The following RALGPS1 variants were observed in gnomAD, a reference collection of about 807,000 sequenced individuals.
RALGPS1 encodes the protein ras-specific guanine nucleotide-releasing factor RalGPS1.
A neutral mutation model predicts 78.8 loss-of-function variants in RALGPS1; 19 were observed. The ratio of observed to expected loss-of-function variants is 0.24; its 90% CI spans 0.17 to 0.35. RALGPS1 has a LOEUF of 0.35. Among genes scored for constraint, RALGPS1 ranks in the 10% least tolerant of loss-of-function variants. The pLI, the probability that RALGPS1 is intolerant of heterozygous loss-of-function variation, is 1.00. For synonymous variants in RALGPS1, 228 were observed against 256.3 expected (o/e 0.89, Z 1.06); for missense variants, 454 against 688.3 (o/e 0.66, Z 3.81).
At chr9:127,215,282 G>A (rs1402228447) in intron 18 of RALGPS1, among the ~76,000 whole-genome samples, 1 of 152,164 alleles carries the variant, frequency 6.6e-6, no homozygotes, top group South Asian at 2.1e-4. Context: ...CATGGACCAC[G>A]CAAAGCTGCT....
At chr9:126,969,299 G>C (rs1284892449) in intron 3 of RALGPS1, among the ~76,000 whole-genome samples, 5 of 152,148 alleles carry the variant, frequency 3.3e-5, no homozygotes, top group African/African-American at 1.2e-4. Context: ...CTATTCACAG[G>C]TGCAATTACA....
intron 4 of RALGPS1, among the ~76,000 whole-genome samples, chr9:127,004,702 A>G (rs1344211757): frequency 3.3e-5 from 5 of 152,208 alleles, no homozygotes; most frequent in Non-Finnish European, 5.9e-5. Flanking sequence ...GAAAATGTCA[A>G]TGAAAAAATA....
chr9:127,114,336 G>T (rs1422479676), intron 8 of RALGPS1, among the ~76,000 whole-genome samples: 1 of 152,170 alleles, frequency 6.6e-6, no homozygotes, highest in Non-Finnish European at 1.5e-5. Flanking sequence ...TTTGAGGATC[G>T]TGAGTCATTT....
At chr9:127,141,163 A>G (rs2057748227) in intron 8 of RALGPS1, among the ~76,000 whole-genome samples, 1 of 152,100 alleles carries the variant, frequency 6.6e-6, no homozygotes, top group East Asian at 1.9e-4. Context: ...ACTCCTTCTG[A>G]GACCGATGCA....
chr9:127,086,427 G>GT lies in RALGPS1; in HGVS notation c.610+17072dup, dbSNP rs144430563. On this transcript the variant is annotated intron_variant, in intron 8 of 18. Transcript: ENST00000259351. ...TCTCTGCCAATCTGACAGGCCACAC[G>GT]TCATGGTTTATCCTTCACTTATAGC... Among the ~76,000 whole-genome samples the GT allele has an allele frequency of 5.4e-3, 816 of 152,168 alleles. 24 individuals are homozygous for GT. The East Asian group carries it at 0.085, about 16-fold the overall frequency.
chr9:127,041,031 T>TTTTGTGTGTGTGTGTGTGTGTG (rs1554802019), intron 5 of RALGPS1, among the ~76,000 whole-genome samples: 1 of 135,718 alleles, frequency 7.4e-6, no homozygotes, highest in East Asian at 2.2e-4. Flanking sequence ...CTACAAACAT[T>TTTTGTGTGTGTGTGTGTGTGTG]TGTGTGTGTG....
chr9:127,105,285 T>A (rs2054112429), intron 8 of RALGPS1, among the ~76,000 whole-genome samples: 1 of 152,176 alleles, frequency 6.6e-6, no homozygotes, highest in African/African-American at 2.4e-5. Context: ...TTCCCTCCCA[T>A]GACGGCGTGC....
At chr9:127,106,634 G>A (rs914733686) in intron 8 of RALGPS1, among the ~76,000 whole-genome samples, 15 of 152,256 alleles carry the variant, frequency 9.9e-5, no homozygotes, top group East Asian at 7.7e-4. Context: ...ACTCCAAAGC[G>A]CCTGCTCTCA....
At chr9:126,995,201 G>A (rs2042625200) in intron 4 of RALGPS1, among the ~76,000 whole-genome samples, 1 of 152,146 alleles carries the variant, frequency 6.6e-6, no homozygotes, top group African/African-American at 2.4e-5. Flanking sequence ...AAGTGTAAAT[G>A]GGCTAAATGC....
At chr9:127,001,856 C>T (rs2043340001) in intron 4 of RALGPS1, among the ~76,000 whole-genome samples, 1 of 152,014 alleles carries the variant, frequency 6.6e-6, no homozygotes, top group African/African-American at 2.4e-5. Flanking sequence ...TGCGCTCCAG[C>T]CTTGGCAACA....
In RALGPS1 at chr9:126,962,215, T is replaced by C. The variant is rs768183505; in HGVS notation, c.-65-10T>C. The C allele has an allele frequency of 6.7e-7, 1 of 1,484,902 alleles. No individual in the cohort carries two copies. The highest frequency in any genetic ancestry group is 9.4e-7 in the Non-Finnish European group (1 of 1,069,046). 92.0% of individuals were successfully genotyped at this position (1,484,902 alleles called of 1,614,324 possible). On this transcript the variant is annotated splice_polypyrimidine_tract_variant and intron_variant, in intron 1 of 18. Transcript: ENST00000259351. Reference sequence around the variant, plus strand: ...GAAGACTGATTTTTATGAGCCCCTTTGCCTTGCAGGACTTCTCCAGACAGG... The same window carrying C: ...GAAGACTGATTTTTATGAGCCCCTTCGCCTTGCAGGACTTCTCCAGACAGG...
chr9:127,144,266 C>T (rs894000929), intron 8 of RALGPS1, among the ~76,000 whole-genome samples: 5 of 152,196 alleles, frequency 3.3e-5, no homozygotes, highest in Admixed American at 3.3e-4. Flanking sequence ...CTCCTGGACC[C>T]GTAGTACCCC....
intron 1 of RALGPS1, among the ~76,000 whole-genome samples, chr9:126,922,574 G>T (rs1444191835): frequency 6.6e-6 from 1 of 152,214 alleles, no homozygotes; most frequent in African/African-American, 2.4e-5. Flanking sequence ...GAGAGGATTA[G>T]TCCTCTGTGC....
intron 7 of RALGPS1, among the ~76,000 whole-genome samples, chr9:127,054,388 T>C (rs750800429): frequency 1.3e-5 from 2 of 152,214 alleles, no homozygotes; most frequent in African/African-American, 2.4e-5. Context: ...TAGACTTTAC[T>C]GTCAGTAATA....
intron 8 of RALGPS1, among the ~76,000 whole-genome samples, chr9:127,161,935 C>T (rs941909130): frequency 6.6e-6 from 1 of 152,184 alleles, no homozygotes; most frequent in African/African-American, 2.4e-5. Context: ...TCCCTGACAA[C>T]AGCATTTTTC....
intron 8 of RALGPS1, among the ~76,000 whole-genome samples, chr9:127,137,054 C>T (rs2057447523): frequency 6.6e-6 from 1 of 152,196 alleles, no homozygotes; most frequent in Admixed American, 6.5e-5. Flanking sequence ...TTTTAACTAC[C>T]CCACAATTAA....
chr9:127,031,497 T>C (rs985056114), intron 4 of RALGPS1, among the ~76,000 whole-genome samples: 4 of 152,376 alleles, frequency 2.6e-5, no homozygotes, highest in African/African-American at 9.6e-5. Flanking sequence ...TGCTTGAGCA[T>C]CTACTGCCAG....
At chr9:126,996,209 C>A (rs1456179191) in intron 4 of RALGPS1, among the ~76,000 whole-genome samples, 4 of 151,934 alleles carry the variant, frequency 2.6e-5, no homozygotes, top group Non-Finnish European at 4.4e-5. Context: ...AATAGAGACA[C>A]AAAAAACCCT....
chr9:127,019,086 T>C (rs1039509013), intron 4 of RALGPS1, among the ~76,000 whole-genome samples: 1 of 152,222 alleles, frequency 6.6e-6, no homozygotes, highest in African/African-American at 2.4e-5. Context: ...TGTTGGACAT[T>C]GCTGGGTTAT....
Sources: gnomAD v4.1 joint callset for allele counts (sites outside exome capture counted in the v4.1 genomes callset) on GRCh38, gnomAD v4.1.1 for gene constraint, MANE v1.5 for transcripts, NCBI Gene and HGNC (gene_info 2026-07-23, HGNC 2026-07-21) for gene names.